ANXA8: variants seen among roughly 807,000 people sequenced by gnomAD.
The protein encoded by ANXA8 is annexin A8, also known as VAC-beta.
A neutral mutation model predicts 26.8 loss-of-function variants in ANXA8; 9 were observed. That is an observed-to-expected ratio of 0.34 (90% CI 0.20 to 0.59). The LOEUF (loss-of-function observed/expected upper bound fraction) is 0.59. ANXA8 is among the 20% of genes least tolerant of loss of function. The probability of loss-of-function intolerance (pLI) is 0.84; values close to 1 mark genes in which losing one functional copy is unlikely to be tolerated. For synonymous variants in ANXA8, 39 were observed against 94.8 expected, an observed-to-expected ratio of 0.41 and a Z score of 3.42; for missense variants, 83 against 238.5, an observed-to-expected ratio of 0.35 and a Z score of 4.29.
At chr10:47,506,339 C>T in the ANXA8 span, among the ~76,000 whole-genome samples, 4 of 138,162 alleles carry the variant, frequency 2.9e-5, no homozygotes, top group Admixed American at 7.4e-5. Context: ...GCTTCTTTTT[C>T]TCTTTTTTTG....
chr10:47,959,961 G>T, the ANXA8 span, among the ~76,000 whole-genome samples: 1 of 150,586 alleles, frequency 6.6e-6, no homozygotes, highest in Non-Finnish European at 1.5e-5. Flanking sequence ...GCAGACCACA[G>T]CCCTCACTCG....
chr10:47,536,421 T>G, the ANXA8 span, among the ~76,000 whole-genome samples: 2 of 67,546 alleles, frequency 3.0e-5, no homozygotes, highest in Non-Finnish European at 4.9e-5. Flanking sequence ...GAGATGAAGG[T>G]AGCCTTTCCA....
the ANXA8 span, among the ~76,000 whole-genome samples, chr10:47,677,150 TAAC>T: frequency 1.3e-5 from 2 of 151,148 alleles, no homozygotes; most frequent in African/African-American, 4.9e-5. Context: ...ACATACACAT[TAAC>T]AAGATGTGGG....
chr10:47,901,400 A>G, the ANXA8 span, among the ~76,000 whole-genome samples: 1 of 64,894 alleles, frequency 1.5e-5, no homozygotes, highest in Non-Finnish European at 3.1e-5. Flanking sequence ...AAAAAAACAG[A>G]TTTTAGAATT....
At chr10:47,744,563 C>T in the ANXA8 span, among the ~76,000 whole-genome samples, 1 of 151,422 alleles carries the variant, frequency 6.6e-6, no homozygotes, top group Non-Finnish European at 1.5e-5. Flanking sequence ...TGAAATAAAG[C>T]TACAAGTGGA....
the ANXA8 span, chr10:47,581,701 G>A: frequency 3.6e-6 from 1 of 277,240 alleles, no homozygotes; most frequent in Non-Finnish European, 7.1e-6. Flanking sequence ...CTGCCTCCTG[G>A]GTTCATGCCA....
chr10:47,483,138 A>G (rs1839896083), intron 1 of ANXA8, among the ~76,000 whole-genome samples: 1 of 151,594 alleles, frequency 6.6e-6, no homozygotes, highest in African/African-American at 2.4e-5. Flanking sequence ...AGCTCCCGAG[A>G]ACCCATCAGT....
chr10:47,735,725 G>A, the ANXA8 span, among the ~76,000 whole-genome samples: 1,114 of 149,738 alleles, frequency 7.4e-3, 10 homozygotes, highest in African/African-American at 0.025. Context: ...TGCAGCCTCA[G>A]CCTCCCTGGG....
the ANXA8 span, among the ~76,000 whole-genome samples, chr10:47,573,364 C>G: frequency 6.7e-6 from 1 of 149,698 alleles, no homozygotes; most frequent in East Asian, 2.0e-4. Context: ...TTCCTGGGCT[C>G]GAGCCATCCT....
the ANXA8 span, among the ~76,000 whole-genome samples, chr10:47,733,211 T>TCTCTCTC: frequency 8.5e-5 from 7 of 82,330 alleles, no homozygotes; most frequent in Admixed American, 2.5e-4. Context: ...CTTTCTTTCT[T>TCTCTCTC]TCTTTCTTTC....
At chr10:47,689,293 C>T in the ANXA8 span, among the ~76,000 whole-genome samples, 4 of 151,556 alleles carry the variant, frequency 2.6e-5, no homozygotes, top group African/African-American at 9.7e-5. Context: ...GATTCTTCTG[C>T]CTCAGCCTTC....
At chr10:47,901,663 G>GT in the ANXA8 span, among the ~76,000 whole-genome samples, 22 of 118,954 alleles carry the variant, frequency 1.8e-4, 3 homozygotes, top group Admixed American at 4.8e-4. Context: ...TGACATACTT[G>GT]TTTTTTTTGC....
At chr10:47,900,931 A>G in the ANXA8 span, among the ~76,000 whole-genome samples, 1 of 3,120 alleles carries the variant, frequency 3.2e-4, no homozygotes, top group African/African-American at 5.5e-3. Flanking sequence ...CCTGGTTACA[A>G]TGGTACAATT....
the ANXA8 span, among the ~76,000 whole-genome samples, chr10:47,667,172 T>C: frequency 6.6e-6 from 1 of 152,042 alleles, no homozygotes; most frequent in African/African-American, 2.4e-5. Context: ...TTTCTTCTCC[T>C]CTTATGTCTT....
chr10:47,533,228 C>CACACACAT, the ANXA8 span, among the ~76,000 whole-genome samples: 11 of 138,624 alleles, frequency 7.9e-5, no homozygotes, highest in African/African-American at 2.7e-4. Flanking sequence ...CACACACCCC[C>CACACACAT]GCAGACACCC....
At chr10:47,552,916 C>T in the ANXA8 span, among the ~76,000 whole-genome samples, 13 of 151,930 alleles carry the variant, frequency 8.6e-5, no homozygotes, top group South Asian at 2.7e-3. Flanking sequence ...GCAATAAGGG[C>T]TACATTGCAA....
At chr10:47,744,439 A>AG in the ANXA8 span, among the ~76,000 whole-genome samples, 4 of 23,794 alleles carry the variant, frequency 1.7e-4, no homozygotes, top group Admixed American at 6.4e-4. Context: ...GGAGGGGGGA[A>AG]GAGGGGGGGC....
At chr10:47,600,323 G>C in the ANXA8 span, among the ~76,000 whole-genome samples, 2 of 150,362 alleles carry the variant, frequency 1.3e-5, no homozygotes, top group African/African-American at 2.5e-5. Flanking sequence ...CAGCTGCAGC[G>C]CTTGGGCCAA....
upstream of ANXA8, among the ~76,000 whole-genome samples, chr10:47,486,198 T>C (rs1251410737): frequency 2.6e-5 from 4 of 151,460 alleles, no homozygotes; most frequent in African/African-American, 9.7e-5. Flanking sequence ...CCAGCAGAAA[T>C]GCTTATCTGA....
Sources: allele counts gnomAD v4.1 joint callset (sites outside exome capture counted in the v4.1 genomes callset), GRCh38; gene constraint gnomAD v4.1.1; transcripts MANE v1.5; gene names NCBI Gene and HGNC (gene_info 2026-07-23, HGNC 2026-07-21).